Variants in MTMR10 observed in about 807,000 individuals in gnomAD.
MTMR10 encodes the protein myotubularin-related protein 10.
In MTMR10, 56 loss-of-function variants were observed where a neutral mutation model predicts 88.1. The observed-to-expected ratio is 0.64, with a 90% CI of 0.51 to 0.79. MTMR10 has a LOEUF of 0.79. Among genes scored for constraint, MTMR10 ranks in the 30% least tolerant of loss-of-function variants. The probability of loss-of-function intolerance (pLI) is 0.00; values close to 1 mark genes in which losing one functional copy is unlikely to be tolerated. For missense variants in MTMR10, 883 were observed against 924.7 expected (o/e 0.95, Z 0.58); for synonymous variants, 380 against 340.9 (o/e 1.11, Z -1.26).
intron 14 of MTMR10, chr15:30,946,076 T>C (rs1429622825): frequency 6.6e-6 from 1 of 152,338 alleles, no homozygotes; most frequent in African/African-American, 2.4e-5. Flanking sequence ...CTGGCTCCTG[T>C]GGACTGAGAC....
intron 15 of MTMR10, chr15:30,942,374 G>A (rs2063084365): frequency 2.3e-6 from 1 of 440,360 alleles, no homozygotes; most frequent in Non-Finnish European, 4.0e-6. Flanking sequence ...CACTAGACCT[G>A]GCCGATTCTA....
At chr15:30,983,157 T>C (rs1344998175) in intron 2 of MTMR10, among the ~76,000 whole-genome samples, 5 of 152,176 alleles carry the variant, frequency 3.3e-5, no homozygotes, top group African/African-American at 4.8e-5. Flanking sequence ...GACTCCTCTC[T>C]CCCAGCTCTG....
At chr15:30,947,469 A>G (rs1018478113) in intron 13 of MTMR10, among the ~76,000 whole-genome samples, 169 bp from the exon 14 acceptor site, 2 of 152,250 alleles carry the variant, frequency 1.3e-5, no homozygotes, top group African/African-American at 2.4e-5. Context: ...CCCAAGAAGT[A>G]ACATTCAACC....
intron 4 of MTMR10, 33 bp from the exon 5 acceptor site, chr15:30,974,489 TG>T: frequency 6.8e-7 from 1 of 1,474,284 alleles, no homozygotes; most frequent in Non-Finnish European, 9.1e-7. Flanking sequence ...GAAAATAAAA[TG>T]CGTAACAGTT....
At position 30,939,672 on chromosome 15, in the gene MTMR10, G is replaced by A; in HGVS notation, c.*1798C>T. On this transcript the variant is annotated 3_prime_UTR_variant, in exon 16 of 16. Transcript: ENST00000435680. Reference sequence around the variant, plus strand: ...TACAAGAGTTAAAATAAACGTGAAGGAAGAAAATTACAGAGGGAAAAATGC... The same window carrying A: ...TACAAGAGTTAAAATAAACGTGAAGAAAGAAAATTACAGAGGGAAAAATGC... 1 of 878,688 alleles carries A rather than the reference G, an allele frequency of 1.1e-6. No individual in the cohort carries two copies. Among genetic ancestry groups the A allele is most frequent in the Non-Finnish European group, 1.4e-6 (1 of 737,862 alleles). The allele number at this position is 878,688 out of a possible 1,614,324, so 54.4% of individuals were successfully genotyped here.
intron 2 of MTMR10, among the ~76,000 whole-genome samples, chr15:30,983,429 C>G (rs955226727): frequency 1.1e-4 from 16 of 152,152 alleles, no homozygotes; most frequent in African/African-American, 3.6e-4. Context: ...TAATAAACCT[C>G]CAAATGATAT....
the MTMR10 span, chr15:30,922,185 G>C: frequency 6.3e-7 from 1 of 1,588,960 alleles, no homozygotes; most frequent in Non-Finnish European, 8.5e-7. Context: ...TATCATTGCA[G>C]CTGGATTTTT....
At chr15:30,991,316 C>G (rs959836760) in intron 1 of MTMR10, 131 bp downstream of exon 1, 6 of 956,850 alleles carry the variant, frequency 6.3e-6, no homozygotes, top group Non-Finnish European at 8.7e-6. Flanking sequence ...CGCCGGGAAT[C>G]AGGCAGCCGC....
the MTMR10 span, chr15:30,925,869 C>T: frequency 4.2e-3 from 6,766 of 1,614,208 alleles, 20 homozygotes; most frequent in Non-Finnish European, 5.2e-3. Context: ...AGGCCGCTGA[C>T]CCCACCACGG....
chr15:30,952,545 T>C (rs2063263740), intron 11 of MTMR10, among the ~76,000 whole-genome samples: 1 of 151,512 alleles, frequency 6.6e-6, no homozygotes, highest in South Asian at 2.1e-4. Context: ...TAAAATTTTT[T>C]TGTGGAGATG....
chr15:30,929,324 C>T, the MTMR10 span: 42 of 1,611,864 alleles, frequency 2.6e-5, no homozygotes, highest in East Asian at 3.4e-4. Flanking sequence ...GTGGCAGCCA[C>T]GTGGCATGAG....
In MTMR10 at chr15:30,942,019, G is replaced by A; in HGVS notation, c.1785C>T (p.Ile595=). 3 of 1,613,932 alleles carry A rather than the reference G, an allele frequency of 1.9e-6. No homozygotes were observed. Among genetic ancestry groups the A allele is most frequent in the African/African-American group, 1.3e-5 (1 of 75,026 alleles). The change falls in exon 16 of 16, where the codon ATC becomes ATT. Residue 595 remains isoleucine, a synonymous_variant. Coordinates refer to ENST00000435680, the MANE Select transcript of MTMR10 (RefSeq NM_017762.3). ...RGMPSALKNG[I]ISDQELLPRR... ...TTGGAAGTAATTCTTGGTCACTGAT[G>A]ATTCCATTCTTTAAGGCAGACGGCA...
At chr15:30,959,439 G>T (rs1352705158) in intron 7 of MTMR10, among the ~76,000 whole-genome samples, 5 of 152,200 alleles carry the variant, frequency 3.3e-5, no homozygotes, top group African/African-American at 1.2e-4. Context: ...TCTCTTGACA[G>T]GCTATGGTTA....
At chr15:30,977,695 C>G (rs544337419) in intron 2 of MTMR10, among the ~76,000 whole-genome samples, 2 of 152,238 alleles carry the variant, frequency 1.3e-5, no homozygotes, top group Admixed American at 1.3e-4. Context: ...AGTGAGTGTA[C>G]TGATCCACTT....
intron 1 of MTMR10, 138 bp downstream of exon 1, chr15:30,991,309 C>G (rs2031307661): frequency 1.1e-6 from 1 of 892,024 alleles, no homozygotes; most frequent in Non-Finnish European, 1.6e-6. Flanking sequence ...TTCGCGGCGC[C>G]GGGAATCAGG....
intron 14 of MTMR10, 32 bp from the exon 15 acceptor site, chr15:30,943,104 C>T: frequency 9.2e-6 from 14 of 1,524,990 alleles, no homozygotes; most frequent in Non-Finnish European, 1.2e-5. Context: ...ATTTGCAAAA[C>T]TAAAGATTCT....
At chr15:30,943,912 T>A in intron 14 of MTMR10, 1 of 985,420 alleles carries the variant, frequency 1.0e-6, no homozygotes, top group Non-Finnish European at 1.2e-6. Flanking sequence ...CACAGCAGTG[T>A]ATACACAACA....
At chr15:30,952,399 T>G (rs562515375) in intron 11 of MTMR10, among the ~76,000 whole-genome samples, 5 of 152,342 alleles carry the variant, frequency 3.3e-5, no homozygotes, top group Non-Finnish European at 1.5e-5. Flanking sequence ...AGGCTCTCAT[T>G]TTGTCACCCA....
rs35722257 is a variant in MTMR10, at chr15:30,979,396, T to TA, written c.122-2442dup. ...CCAACATGGTGAAACCCATCTCTAT[T>TA]AAAAAAAAAAAAAATTTAGCCAGGC... On this transcript the variant is annotated intron_variant, in intron 2 of 15. Transcript: ENST00000435680. 4.6e-3 allele frequency among the ~76,000 whole-genome samples: 669 copies of TA among 146,196 alleles called. 2 individuals carry two copies. The highest frequency in any genetic ancestry group is 0.011 in the African/African-American group (455 of 39,652).
Sources: gnomAD v4.1 joint callset for allele counts (sites outside exome capture counted in the v4.1 genomes callset) on GRCh38, gnomAD v4.1.1 for gene constraint, MANE v1.5 for transcripts, NCBI Gene and HGNC (gene_info 2026-07-23, HGNC 2026-07-21) for gene names.